Variants in HORMAD2 observed in about 807,000 individuals in gnomAD.
HORMAD2 encodes HORMA domain containing 2, also known as HORMA domain-containing protein 2.
HORMAD2 carries 45 observed loss-of-function variants against 38.8 expected under a neutral mutation model. The ratio of observed to expected loss-of-function variants is 1.16; its 90% CI spans 0.91 to 1.49. The LOEUF (loss-of-function observed/expected upper bound fraction) is 1.49, where lower values mean the gene tolerates loss of function less well. HORMAD2 is among the 40% of genes most tolerant of loss of function. The pLI is 0.00. For synonymous variants in HORMAD2, 126 were observed against 122.8 expected, an observed-to-expected ratio of 1.03 and a Z score of -0.17; for missense variants, 338 against 367.0, an observed-to-expected ratio of 0.92 and a Z score of 0.65.
the HORMAD2 span, chr22:30,207,061 A>C: frequency 1.3e-5 from 6 of 470,690 alleles, no homozygotes; most frequent in Non-Finnish European, 2.6e-5. Flanking sequence ...CGGATGAGTC[A>C]GTTGGAATGT....
intron 10 of HORMAD2, among the ~76,000 whole-genome samples, chr22:30,157,567 A>G (rs1368080890): frequency 6.6e-6 from 1 of 151,848 alleles, no homozygotes; most frequent in Non-Finnish European, 1.5e-5. Context: ...CAAGCTATTC[A>G]TTGCTTCTTG....
At chr22:30,198,674 C>T in the HORMAD2 span, among the ~76,000 whole-genome samples, 1 of 152,204 alleles carries the variant, frequency 6.6e-6, no homozygotes, top group Non-Finnish European at 1.5e-5. Context: ...ACTGGTGATT[C>T]TCTCATCTCC....
intron 10 of HORMAD2, among the ~76,000 whole-genome samples, chr22:30,153,958 A>G (rs1402644383): frequency 6.6e-6 from 1 of 152,092 alleles, no homozygotes; most frequent in Non-Finnish European, 1.5e-5. Context: ...CCTTGCTTTC[A>G]TTTTTGCCCT....
chr22:30,118,260 A>T (rs978579698), intron 7 of HORMAD2, among the ~76,000 whole-genome samples: 2 of 151,970 alleles, frequency 1.3e-5, no homozygotes, highest in African/African-American at 4.8e-5. Context: ...GTTTCCAGCC[A>T]CTGGGCCTCC....
chr22:30,120,129 TA>T (rs1922329817), intron 8 of HORMAD2, among the ~76,000 whole-genome samples: 1 of 152,164 alleles, frequency 6.6e-6, no homozygotes. Context: ...AGGTAAGCTG[TA>T]AAACAAAAAT....
intron 8 of HORMAD2, among the ~76,000 whole-genome samples, chr22:30,120,451 T>C (rs370825455): frequency 5.3e-5 from 8 of 152,198 alleles, no homozygotes; most frequent in East Asian, 3.8e-4. Flanking sequence ...AACATTTCAA[T>C]TACTTAGGGT....
chr22:30,121,270 C>T (rs573706006), intron 8 of HORMAD2, among the ~76,000 whole-genome samples: 1 of 152,204 alleles, frequency 6.6e-6, no homozygotes, highest in Admixed American at 6.5e-5. Context: ...GCTAACTGAC[C>T]TAGAGTGTGT....
the HORMAD2 span, among the ~76,000 whole-genome samples, chr22:30,199,234 C>G: frequency 6.6e-6 from 1 of 152,226 alleles, no homozygotes; most frequent in African/African-American, 2.4e-5. Context: ...CAGGCGTGAT[C>G]AGTAGATATG....
the HORMAD2 span, among the ~76,000 whole-genome samples, chr22:30,194,666 G>C: frequency 3.9e-5 from 6 of 152,280 alleles, no homozygotes; most frequent in Middle Eastern, 3.4e-3. Flanking sequence ...ATGTAGAAGA[G>C]GTGATATATA....
chr22:30,107,203 T>G (rs1009113393), intron 5 of HORMAD2, among the ~76,000 whole-genome samples: 9 of 152,164 alleles, frequency 5.9e-5, no homozygotes, highest in Non-Finnish European at 1.2e-4. Flanking sequence ...AAATAAAAAA[T>G]TATAAGTATT....
At chr22:30,084,788 C>T (rs1459172540) in intron 1 of HORMAD2, among the ~76,000 whole-genome samples, 1 of 152,050 alleles carries the variant, frequency 6.6e-6, no homozygotes, top group Non-Finnish European at 1.5e-5. Flanking sequence ...CCATGCCCAG[C>T]CTCAGCAAAT....
intron 10 of HORMAD2, among the ~76,000 whole-genome samples, chr22:30,146,103 A>G (rs1325817817): frequency 2.0e-5 from 3 of 152,226 alleles, no homozygotes; most frequent in Non-Finnish European, 4.4e-5. Context: ...GTAATTCCCC[A>G]TGTTACAGAA....
intron 5 of HORMAD2, among the ~76,000 whole-genome samples, chr22:30,104,868 A>C (rs550826954): frequency 6.6e-6 from 1 of 152,344 alleles, no homozygotes; most frequent in African/African-American, 2.4e-5. Context: ...AGTATAATCT[A>C]TTCCCTTACA....
At chr22:30,077,781 T>C (rs979083191), upstream of HORMAD2, among the ~76,000 whole-genome samples, 2 of 152,160 alleles carry the variant, frequency 1.3e-5, no homozygotes, top group African/African-American at 2.4e-5. Flanking sequence ...ATCTGTAAAG[T>C]AAAGGACTAG....
At position 30,111,699 on chromosome 22, in the gene HORMAD2, A is replaced by C. The variant is rs1921669559; in HGVS notation, c.295-97A>C. ...TTTTTTTCCTACCCAAATCTTTCGA[A>C]CCTCTCTGAAATAATATTTTAATTA... On this transcript the variant is annotated intron_variant, in intron 5 of 10. Transcript: ENST00000336726. 6.9e-6 allele frequency: 7 copies of C among 1,007,504 alleles called. No homozygotes were observed. The South Asian group carries it at 1.2e-4, about 17-fold the overall frequency. 62.4% of individuals were successfully genotyped at this position (1,007,504 alleles called of 1,614,324 possible).
intron 10 of HORMAD2, among the ~76,000 whole-genome samples, chr22:30,143,230 C>A (rs1454938893): frequency 6.6e-6 from 1 of 151,974 alleles, no homozygotes; most frequent in Non-Finnish European, 1.5e-5. Flanking sequence ...ATTTACATTG[C>A]CTTTTATAAT....
intron 1 of HORMAD2, among the ~76,000 whole-genome samples, chr22:30,081,601 G>A (rs895015262): frequency 2.0e-5 from 3 of 149,914 alleles, no homozygotes; most frequent in Non-Finnish European, 3.0e-5. Context: ...TTTGTGAGAT[G>A]GAGTCGAGCT....
At chr22:30,186,132 A>C in the HORMAD2 span, among the ~76,000 whole-genome samples, 1 of 152,166 alleles carries the variant, frequency 6.6e-6, no homozygotes, top group African/African-American at 2.4e-5. Context: ...CCTCAAAATT[A>C]AGAATACAAC....
chr22:30,098,386 C>T (rs1569084930), intron 2 of HORMAD2, among the ~76,000 whole-genome samples: 1 of 152,096 alleles, frequency 6.6e-6, no homozygotes, highest in Non-Finnish European at 1.5e-5. Context: ...AGTGTTGTGG[C>T]ACCTTGGAGA....
Sources: gnomAD v4.1 joint callset for allele counts (sites outside exome capture counted in the v4.1 genomes callset) on GRCh38, gnomAD v4.1.1 for gene constraint, MANE v1.5 for transcripts, NCBI Gene and HGNC (gene_info 2026-07-23, HGNC 2026-07-21) for gene names.